Variants in MYBPC3 observed in about 807,000 individuals in gnomAD.
MYBPC3 encodes the protein myosin binding protein C3, also known as myosin-binding protein C, cardiac-type.
Under a neutral mutation model 159.3 loss-of-function variants are expected in MYBPC3, and 108 were observed. The ratio of observed to expected loss-of-function variants is 0.68; its 90% CI spans 0.58 to 0.80. The LOEUF is 0.80. Ranked by LOEUF, MYBPC3 falls within the 30% of genes least tolerant of loss-of-function variation. The pLI, the probability that MYBPC3 is intolerant of heterozygous loss-of-function variation, is 0.00. For missense variants in MYBPC3, 1,631 were observed against 1,762.1 expected (o/e 0.93, Z 1.33); for synonymous variants, 730 against 702.0 (o/e 1.04, Z -0.63).
intron 5 of MYBPC3, 72 bp from the exon 6 acceptor site, chr11:47,348,613 A>G: frequency 7.9e-7 from 1 of 1,260,948 alleles, no homozygotes; most frequent in Non-Finnish European, 1.1e-6. Context: ...CCCTTAAAGG[A>G]GACTGGGAGT....
At position 47,339,719 on chromosome 11, in the gene MYBPC3, G is replaced by T. The variant is rs761194404; in HGVS notation, c.1999C>A (p.Leu667Ile). The change falls in exon 21 of 35, where the codon CTA becomes ATA. Residue 667 changes from leucine to isoleucine, a missense_variant. By Grantham distance (5) the Leu-to-Ile change is conservative. Coordinates refer to ENST00000545968, the MANE Select transcript of MYBPC3 (RefSeq NM_000256.3). The stretch of plus-strand genomic sequence containing the variant: ...CCAGAGATAGGGACGTCCAGACGTA[G>T]CTTATTTCCAGCTACAACCACAATG... ...DTIVVVAGNK[L>I]RLDVPISGDP... The T allele has an allele frequency of 6.2e-7, 1 of 1,613,940 alleles. No individual in the cohort carries two copies. Among genetic ancestry groups the T allele is most frequent in the South Asian group, 1.1e-5 (1 of 91,080 alleles).
chr11:47,347,693 G>A lies in MYBPC3; in HGVS notation c.822-13C>T. ...TCCAGCCAGGCTCCTGTGGGGGTTA[G>A]ACTCAGTATCCTCACCTGCCTGGGA... On this transcript the variant is annotated splice_polypyrimidine_tract_variant and intron_variant, in intron 7 of 34. Coordinates refer to ENST00000545968, the MANE Select transcript of MYBPC3 (RefSeq NM_000256.3). 3 of 1,568,452 alleles carry A rather than the reference G, an allele frequency of 1.9e-6. No individual in the cohort carries two copies. Among genetic ancestry groups the A allele is most frequent in the Non-Finnish European group, 2.6e-6 (3 of 1,156,920 alleles).
intron 25 of MYBPC3, among the ~76,000 whole-genome samples, chr11:47,336,820 G>A (rs1477904712): frequency 6.6e-6 from 1 of 152,224 alleles, no homozygotes; most frequent in Non-Finnish European, 1.5e-5. Context: ...TACAGATGAG[G>A]AAGCTGAGGC....
At chr11:47,341,602 C>T (rs575141948) in intron 18 of MYBPC3, among the ~76,000 whole-genome samples, 12 of 152,302 alleles carry the variant, frequency 7.9e-5, no homozygotes, top group African/African-American at 2.2e-4. Context: ...TGGCCAGAGC[C>T]GGCCTCCTTG....
rs730880558 is a variant in MYBPC3, at chr11:47,341,033, C to T, written c.1898-1G>A. On this transcript the variant is annotated splice_acceptor_variant, in intron 19 of 34. Coordinates refer to ENST00000545968, the MANE Select transcript of MYBPC3 (RefSeq NM_000256.3). LOFTEE classifies it high-confidence loss of function. ...CTGGGTACGAAGTCAATCTTGACCTCTGCAAGAGAAGGAAGAGCAAGTAGC... is the reference window on the plus strand; with the variant it reads ...CTGGGTACGAAGTCAATCTTGACCTTTGCAAGAGAAGGAAGAGCAAGTAGC... 6.3e-7 allele frequency: 1 copy of T among 1,576,458 alleles called. No individual in the cohort carries two copies. Among genetic ancestry groups the T allele is most frequent in the Admixed American group, 1.8e-5 (1 of 54,478 alleles).
Position 47,335,228 on chromosome 11 carries a change from A to C in MYBPC3, c.2738-19T>G. The stretch of plus-strand genomic sequence containing the variant: ...TCTGAGCCTGGGGGTGGGGAGGGGG[A>C]GGCAAGGCCACAGGCTGTGTCACCA... On this transcript the variant is annotated intron_variant, in intron 26 of 34. Coordinates refer to ENST00000545968, the MANE Select transcript of MYBPC3 (RefSeq NM_000256.3). 6.4e-7 allele frequency: 1 copy of C among 1,565,824 alleles called. No homozygotes were observed. The highest frequency in any genetic ancestry group is 8.7e-7 in the Non-Finnish European group (1 of 1,152,230).
In MYBPC3 at chr11:47,342,864, AC is replaced by A. The variant is rs1565628062; in HGVS notation, c.1422del (p.Glu474AspfsTer14). On this transcript the variant is annotated frameshift_variant, in exon 16 of 35. Transcript: ENST00000545968. LOFTEE classifies it high-confidence loss of function. The stretch of plus-strand genomic sequence containing the variant: ...TGCGCCCCCTCCTCCGATACTTCAC[AC>A]TCAAACTCCACCCGCTGCCCCACCA... ...LVMVGQRVEF[E>X]CEVSEEGAQV... The A allele has an allele frequency of 6.2e-7, 1 of 1,613,040 alleles. No homozygotes were observed. Among genetic ancestry groups the A allele is most frequent in the Non-Finnish European group, 8.5e-7 (1 of 1,179,522 alleles).
chr11:47,341,834 C>A (rs1000989674), intron 18 of MYBPC3, among the ~76,000 whole-genome samples, 157 bp downstream of exon 18: 1 of 152,230 alleles, frequency 6.6e-6, no homozygotes, highest in Non-Finnish European at 1.5e-5. Flanking sequence ...GTCTGTTTCT[C>A]CCTCTCTGTG....
At chr11:47,343,230 C>A (rs772810655) in intron 14 of MYBPC3, 30 bp downstream of exon 14, 4 of 1,572,954 alleles carry the variant, frequency 2.5e-6, no homozygotes, top group Non-Finnish European at 3.4e-6. Flanking sequence ...CCTGTGCCCC[C>A]CACCCCAAGC....
At chr11:47,347,604 C>G in intron 8 of MYBPC3, 47 bp downstream of exon 8, 1 of 1,564,804 alleles carries the variant, frequency 6.4e-7, no homozygotes, top group Non-Finnish European at 8.7e-7. Context: ...CGTCTCAGAC[C>G]CCTGGGGGTC....
chr11:47,331,530 AG>A lies in MYBPC3; in HGVS notation c.*212del, dbSNP rs2095874414. 1 of 280,966 alleles carries A rather than the reference AG, an allele frequency of 3.6e-6. No homozygotes were observed. The highest frequency in any genetic ancestry group is 4.9e-5 in the Admixed American group (1 of 20,318). 17.4% of individuals were successfully genotyped at this position (280,966 alleles called of 1,614,324 possible). A position where few individuals can be genotyped will look rare whatever the true frequency, so the allele number is the denominator to read the frequency against. On this transcript the variant is annotated 3_prime_UTR_variant, in exon 35 of 35. Transcript: ENST00000545968. ...CACCCTCCTTTTACCCCAAAGATCC[AG>A]GGGCTTCCTTCAGGAGCCCTGTGGA... is the stretch of plus-strand genomic sequence containing the variant.
rs776535637 is a variant in MYBPC3, at chr11:47,339,803, CAATGTAGTTCAGAG to C, written c.1928-27_1928-14del. 8 of 1,608,016 alleles carry C rather than the reference CAATGTAGTTCAGAG, an allele frequency of 5.0e-6. No individual in the cohort carries two copies. In the South Asian group the frequency reaches 8.8e-5, roughly 18 times the overall value. On this transcript the variant is annotated splice_polypyrimidine_tract_variant and intron_variant, in intron 20 of 34. Transcript: ENST00000545968. ...ATCTTGGGAGGTTCTGCAGAAGACA[CAATGTAGTTCAGAG>C]AAACGGGAGAGCCAGGAGGAGCACA...
chr11:47,346,770 C>T lies in MYBPC3; in HGVS notation c.909-126G>A. 9.3e-7 allele frequency: 1 copy of T among 1,079,864 alleles called. No individual in the cohort carries two copies. The highest frequency in any genetic ancestry group is 1.3e-6 in the Non-Finnish European group (1 of 749,444). The allele number at this position is 1,079,864 out of a possible 1,614,324, so 66.9% of individuals were successfully genotyped here. A position where few individuals can be genotyped will look rare whatever the true frequency, so the allele number is the denominator to read the frequency against. On this transcript the variant is annotated intron_variant, in intron 10 of 34. Coordinates refer to ENST00000545968, the MANE Select transcript of MYBPC3 (RefSeq NM_000256.3). This position sits in a 1 kb window ranked among gnomAD's most constrained non-coding sequence, Gnocchi z 5.3. The stretch of plus-strand genomic sequence containing the variant: ...TCCCTATTTTCCGCACTTGCACTCC[C>T]TGTGTTGTGGGGCACCCATGCTGCT...
intron 6 of MYBPC3, 136 bp from the exon 7 acceptor site, chr11:47,348,041 G>T: frequency 1.2e-6 from 1 of 867,550 alleles, no homozygotes. Context: ...TCTGCCCCAG[G>T]ATCTCACCTT....
chr11:47,347,855 A>G lies in MYBPC3; in HGVS notation c.821+2T>C, dbSNP rs397516076. 2 of 1,564,690 alleles carry G rather than the reference A, an allele frequency of 1.3e-6. No individual in the cohort carries two copies. The highest frequency in any genetic ancestry group is 1.2e-5 in the South Asian group (1 of 84,744). ...CCCCAGGCCCTGAGGATGGCCACTC[A>G]CGTGCGGCGGAAGGCTGATAGGAGG... On this transcript the variant is annotated splice_donor_variant, in intron 7 of 34. Transcript: ENST00000545968. LOFTEE classifies it high-confidence loss of function.
At position 47,332,350 on chromosome 11, in the gene MYBPC3, GGGGGTCCCACGA is replaced by G. The variant is rs2095878019; in HGVS notation, c.3628-104_3628-93del. On this transcript the variant is annotated intron_variant, in intron 32 of 34. Transcript: ENST00000545968. This position sits in a 1 kb window ranked among gnomAD's most constrained non-coding sequence, Gnocchi z 4.2. ...GGAGACACATCTGTGTTTCTACTCG[GGGGGTCCCACGA>G]GAGTCCCTGACTATGCCCAAGGCTG... 1 of 1,494,466 alleles carries G rather than the reference GGGGGTCCCACGA, an allele frequency of 6.7e-7. No individual in the cohort carries two copies. Among genetic ancestry groups the G allele is most frequent in the Non-Finnish European group, 9.3e-7 (1 of 1,077,880 alleles). 92.6% of individuals were successfully genotyped at this position (1,494,466 alleles called of 1,614,324 possible).
At chr11:47,334,893 C>T (rs567165115) in intron 27 of MYBPC3, 149 bp downstream of exon 27, 10 of 964,660 alleles carry the variant, frequency 1.0e-5, no homozygotes, top group African/African-American at 5.1e-5. Context: ...CTAGGCCTAG[C>T]GCATGGACGA....
chr11:47,341,384 T>C (rs2095888424), intron 18 of MYBPC3, 140 bp from the exon 19 acceptor site: 2 of 616,818 alleles, frequency 3.2e-6, no homozygotes, highest in Non-Finnish European at 2.8e-6. Flanking sequence ...CCTTTTTTTT[T>C]CTATATTATC....
rs112738974 is a variant in MYBPC3 at position 47,338,519 on chromosome 11, C to A, written c.2308+1G>T. 1 of 1,614,038 alleles carries A rather than the reference C, an allele frequency of 6.2e-7. No homozygotes were observed. Among genetic ancestry groups the A allele is most frequent in the Non-Finnish European group, 8.5e-7 (1 of 1,179,890 alleles). ...CCAGCTTGGACCCCGGCCGGCCTCACCGATGACCTTGACTGTGAGGTTGAC... is the reference window on the plus strand; with the variant it reads ...CCAGCTTGGACCCCGGCCGGCCTCAACGATGACCTTGACTGTGAGGTTGAC... On this transcript the variant is annotated splice_donor_variant, in intron 23 of 34. Transcript: ENST00000545968. LOFTEE classifies it high-confidence loss of function. The surrounding 1 kb of genome is among the most constrained non-coding windows in gnomAD (Gnocchi z 4.7).
Sources: gnomAD v4.1 joint callset for allele counts (sites outside exome capture counted in the v4.1 genomes callset) on GRCh38, gnomAD v4.1.1 for gene constraint, Gnocchi (gnomAD v3.1) non-coding constraint, MANE v1.5 for transcripts, NCBI Gene and HGNC (gene_info 2026-07-23, HGNC 2026-07-21) for gene names.